EPN2: variants seen among roughly 807,000 people sequenced by gnomAD.
The protein encoded by EPN2 is epsin 2.
In EPN2, 34 loss-of-function variants were observed where a neutral mutation model predicts 61.7. That is an observed-to-expected ratio of 0.55 (90% CI 0.42 to 0.73). The LOEUF (loss-of-function observed/expected upper bound fraction) is 0.73, where lower values mean the gene tolerates loss of function less well. Ranked by LOEUF, EPN2 falls within the 30% of genes least tolerant of loss-of-function variation. The pLI, the probability that EPN2 is intolerant of heterozygous loss-of-function variation, is 0.00. For synonymous variants in EPN2, 349 were observed against 353.6 expected, an observed-to-expected ratio of 0.99 and a Z score of 0.15; for missense variants, 714 against 839.2, an observed-to-expected ratio of 0.85 and a Z score of 1.84.
chr17:19,284,771 G>A lies in EPN2; in HGVS notation c.596-849G>A, dbSNP rs181710234. On this transcript the variant is annotated intron_variant, in intron 3 of 10. Transcript: ENST00000314728. ...ATTTGACATTGTACCGCCACCACTA[G>A]CATTTTGAGAAATGTGTTAAATGAG... Among the ~76,000 whole-genome samples the A allele has an allele frequency of 2.2e-4, 34 of 152,310 alleles. No individual in the cohort carries two copies. The East Asian group carries it at 2.7e-3, about 12-fold the overall frequency.
At chr17:19,333,001 C>T (rs1907233661) in intron 10 of EPN2, among the ~76,000 whole-genome samples, 1 of 152,192 alleles carries the variant, frequency 6.6e-6, no homozygotes, top group South Asian at 2.1e-4. Flanking sequence ...GTTGGGGACC[C>T]TTGGGCAGAG....
chr17:19,258,105 G>A lies in EPN2; in HGVS notation c.-294+20574G>A, dbSNP rs143851185. On this transcript the variant is annotated intron_variant, in intron 1 of 10. Transcript: ENST00000314728. ...TATAGGGCGTGTTAACCAGTTAGAT[G>A]TGGGTGAGGGAAGAGGAATAAGCAC... 77 of 156,480 alleles carry A rather than the reference G, an allele frequency of 4.9e-4. No individual in the cohort carries two copies. In the East Asian group the frequency reaches 0.013, roughly 25 times the overall value. 9.7% of individuals were successfully genotyped at this position (156,480 alleles called of 1,614,324 possible).
intron 1 of EPN2, among the ~76,000 whole-genome samples, chr17:19,261,050 G>A (rs1195593221): frequency 6.6e-6 from 1 of 152,208 alleles, no homozygotes; most frequent in Admixed American, 6.5e-5. Flanking sequence ...TTCATGACAT[G>A]CCGGCGACAG....
chr17:19,330,906 G>A (rs1466992457), intron 9 of EPN2, among the ~76,000 whole-genome samples: 1 of 152,218 alleles, frequency 6.6e-6, no homozygotes, highest in Non-Finnish European at 1.5e-5. Flanking sequence ...AGAGGCTAAG[G>A]CGGGAGGATC....
At chr17:19,251,461 A>G (rs926318239) in intron 1 of EPN2, among the ~76,000 whole-genome samples, 2 of 151,840 alleles carry the variant, frequency 1.3e-5, no homozygotes, top group Non-Finnish European at 2.9e-5. Flanking sequence ...CCCAGCTTGT[A>G]GTTGAATTTT....
chr17:19,334,283 C>T lies in EPN2; in HGVS notation c.*29C>T, dbSNP rs1907299911. 2 of 1,415,462 alleles carry T rather than the reference C, an allele frequency of 1.4e-6. No individual in the cohort carries two copies. The highest frequency in any genetic ancestry group is 1.9e-6 in the Non-Finnish European group (2 of 1,076,802). The allele number at this position is 1,415,462 out of a possible 1,614,324, so 87.7% of individuals were successfully genotyped here. On this transcript the variant is annotated 3_prime_UTR_variant, in exon 11 of 11. Coordinates refer to ENST00000314728, the MANE Select transcript of EPN2 (RefSeq NM_014964.5). The surrounding 1 kb of genome is among the most constrained non-coding windows in gnomAD (Gnocchi z 4.9). ...CTGGGCCTGGGACCCACCCAGAGCA[C>T]CTGTGCTGGAGGATGCCGAGCAGGG...
rs113916739 is a variant in EPN2 at position 19,285,589 on chromosome 17, C to CTGTG, written c.596-17_596-14dup. ...GCGCACCCTCTAATGGCGTGTCTCT[C>CTGTG]TGTGTGTGTGTGTGTGTCCCTGCCC... On this transcript the variant is annotated intron_variant, in intron 3 of 10. Transcript: ENST00000314728. The surrounding 1 kb of genome is among the most constrained non-coding windows in gnomAD (Gnocchi z 4.5). 17,613 of 1,427,408 alleles carry CTGTG rather than the reference C, an allele frequency of 0.012. 28 individuals carry two copies. Among genetic ancestry groups the CTGTG allele is most frequent in the Non-Finnish European group, 0.015 (15,722 of 1,070,564 alleles). The allele number at this position is 1,427,408 out of a possible 1,614,324, so 88.4% of individuals were successfully genotyped here.
At chr17:19,311,941 T>A (rs1906158761) in intron 5 of EPN2, 111 bp from the exon 6 acceptor site, 1 of 760,332 alleles carries the variant, frequency 1.3e-6, no homozygotes, top group South Asian at 1.6e-5. Context: ...TTTTGAAATC[T>A]TCCTTTGAAA....
At chr17:19,294,789 C>G (rs896984213) in intron 4 of EPN2, among the ~76,000 whole-genome samples, 3 of 152,132 alleles carry the variant, frequency 2.0e-5, no homozygotes, top group African/African-American at 7.2e-5. Context: ...CTGGGAGGGC[C>G]CCAGGTACTG....
intron 4 of EPN2, among the ~76,000 whole-genome samples, chr17:19,295,074 C>T (rs1463852344): frequency 1.3e-5 from 2 of 152,078 alleles, no homozygotes; most frequent in Non-Finnish European, 2.9e-5. Context: ...TTTTTACTAT[C>T]TTCAGAGTCT....
intron 1 of EPN2, among the ~76,000 whole-genome samples, chr17:19,241,106 A>G (rs564043942): frequency 9.2e-5 from 14 of 152,290 alleles, no homozygotes; most frequent in South Asian, 2.1e-4. Context: ...CCAAAATGTT[A>G]TTATACCTGT....
At chr17:19,289,070 GTATGTTTTTTTT>G (rs1243006460) in intron 4 of EPN2, among the ~76,000 whole-genome samples, 7 of 128,322 alleles carry the variant, frequency 5.5e-5, no homozygotes, top group Admixed American at 1.6e-4. Context: ...CAGGTTCTGG[GTATGTTTTTTTT>G]TTTTTTTTTT....
At chr17:19,315,194 T>C (rs1906328429) in intron 7 of EPN2, among the ~76,000 whole-genome samples, 1 of 152,364 alleles carries the variant, frequency 6.6e-6, no homozygotes, top group African/African-American at 2.4e-5. Flanking sequence ...GACCAAGTTA[T>C]GCCCAGCCCC....
chr17:19,322,784 G>A (rs1419479943), intron 7 of EPN2, among the ~76,000 whole-genome samples: 1 of 151,208 alleles, frequency 6.6e-6, no homozygotes, highest in African/African-American at 2.4e-5. Context: ...TGGCTTAATA[G>A]GCCCTTACTA....
chr17:19,327,723 A>G (rs1037893000), intron 7 of EPN2, among the ~76,000 whole-genome samples: 10 of 152,144 alleles, frequency 6.6e-5, no homozygotes, highest in African/African-American at 2.4e-4. Context: ...TATACATAAT[A>G]TATATGTGTG....
At chr17:19,268,555 G>C (rs140295244) in intron 1 of EPN2, among the ~76,000 whole-genome samples, 15 of 152,254 alleles carry the variant, frequency 9.9e-5, no homozygotes, top group Admixed American at 4.6e-4. Context: ...ATGACAAAAC[G>C]ATGTTATAAA....
intron 4 of EPN2, among the ~76,000 whole-genome samples, chr17:19,288,779 G>A (rs1276217941): frequency 1.3e-5 from 2 of 152,192 alleles, no homozygotes; most frequent in Non-Finnish European, 2.9e-5. Flanking sequence ...TTTAGATGTT[G>A]TGCCGATGTC....
chr17:19,335,554 CGTGGG>C lies in EPN2; in HGVS notation c.*1307_*1311del. 1 of 1,341,358 alleles carries C rather than the reference CGTGGG, an allele frequency of 7.5e-7. No individual in the cohort carries two copies. Among genetic ancestry groups the C allele is most frequent in the Non-Finnish European group, 1.0e-6 (1 of 997,402 alleles). 83.1% of individuals were successfully genotyped at this position (1,341,358 alleles called of 1,614,324 possible). A position where few individuals can be genotyped will look rare whatever the true frequency, so the allele number is the denominator to read the frequency against. On this transcript the variant is annotated 3_prime_UTR_variant, in exon 11 of 11. Coordinates refer to ENST00000314728, the MANE Select transcript of EPN2 (RefSeq NM_014964.5). ...GTGGAAATGGCAGTTGTCCCGAGGG[CGTGGG>C]GTGGGGGGTGCTTCTGTGCCCACGG...
intron 1 of EPN2, among the ~76,000 whole-genome samples, chr17:19,256,580 G>C (rs1490580395): frequency 2.0e-5 from 3 of 152,092 alleles, no homozygotes; most frequent in Admixed American, 2.0e-4. Context: ...AAGGCCAGTG[G>C]TATGAGCTCA....
Sources: gnomAD v4.1 joint callset for allele counts (sites outside exome capture counted in the v4.1 genomes callset) on GRCh38, gnomAD v4.1.1 for gene constraint, Gnocchi (gnomAD v3.1) non-coding constraint, MANE v1.5 for transcripts, NCBI Gene and HGNC (gene_info 2026-07-23, HGNC 2026-07-21) for gene names.